Variants in AOPEP observed in about 807,000 individuals in gnomAD.
AOPEP encodes aminopeptidase O (putative), also known as aminopeptidase O.
AOPEP carries 77 observed loss-of-function variants against 98.1 expected under a neutral mutation model. That is an observed-to-expected ratio of 0.78 (90% CI 0.65 to 0.95). The LOEUF is 0.95. Ranked by LOEUF, AOPEP falls within the 40% of genes least tolerant of loss-of-function variation. The pLI, the probability that AOPEP is intolerant of heterozygous loss-of-function variation, is 0.00. For synonymous variants in AOPEP, 346 were observed against 365.3 expected, an observed-to-expected ratio of 0.95 and a Z score of 0.60; for missense variants, 1,024 against 1,024.7, an observed-to-expected ratio of 1.00 and a Z score of 0.01.
intron 1 of AOPEP, among the ~76,000 whole-genome samples, chr9:94,745,133 T>C (rs112725014): frequency 0.011 from 1,692 of 152,276 alleles, 30 homozygotes; most frequent in African/African-American, 0.038. Flanking sequence ...TTGCTGACTG[T>C]AGTCACCCTG....
At chr9:94,863,762 G>C (rs2045384169) in intron 5 of AOPEP, among the ~76,000 whole-genome samples, 1 of 152,174 alleles carries the variant, frequency 6.6e-6, no homozygotes, top group African/African-American at 2.4e-5. Flanking sequence ...GTACATAATA[G>C]CTTTTGGAAA....
At chr9:94,872,394 C>T (rs1401239920) in intron 5 of AOPEP, among the ~76,000 whole-genome samples, 1 of 152,070 alleles carries the variant, frequency 6.6e-6, no homozygotes, top group East Asian at 1.9e-4. Context: ...AATTACATGG[C>T]AAAAATGGGC....
chr9:95,081,185 A>ACCTGCC (rs2069718848), intron 15 of AOPEP, among the ~76,000 whole-genome samples: 1 of 152,056 alleles, frequency 6.6e-6, no homozygotes, highest in Admixed American at 6.5e-5. Flanking sequence ...CTGTACCTGC[A>ACCTGCC]CCTGCCGTGC....
intron 5 of AOPEP, among the ~76,000 whole-genome samples, chr9:94,805,433 C>T (rs1849048237): frequency 6.6e-6 from 1 of 151,740 alleles, no homozygotes. Flanking sequence ...GAAGCTGTGT[C>T]TCATCCTAGT....
At chr9:95,104,100 C>T in the AOPEP span, among the ~76,000 whole-genome samples, 20 of 152,164 alleles carry the variant, frequency 1.3e-4, no homozygotes, top group African/African-American at 4.6e-4. Flanking sequence ...CAAGCAGACC[C>T]GGCTCTTTCC....
chr9:95,017,264 A>G (rs570258924), intron 13 of AOPEP, among the ~76,000 whole-genome samples: 2 of 152,268 alleles, frequency 1.3e-5, no homozygotes, highest in African/African-American at 2.4e-5. Flanking sequence ...TTATGGGGAA[A>G]TGCTTCATGT....
At chr9:94,979,855 G>A (rs777905977) in intron 11 of AOPEP, among the ~76,000 whole-genome samples, 5 of 152,190 alleles carry the variant, frequency 3.3e-5, no homozygotes, top group African/African-American at 9.7e-5. Context: ...TGCTGCCGCC[G>A]TCGTCTGTCC....
chr9:94,799,791 G>A (rs977592421), intron 4 of AOPEP, among the ~76,000 whole-genome samples: 2 of 152,026 alleles, frequency 1.3e-5, no homozygotes, highest in Non-Finnish European at 2.9e-5. Context: ...GAACCTGGGA[G>A]GTGGAAGTTG....
chr9:94,979,745 G>C (rs2060063348), intron 11 of AOPEP, among the ~76,000 whole-genome samples: 2 of 148,276 alleles, frequency 1.3e-5, no homozygotes, highest in African/African-American at 5.1e-5. Flanking sequence ...ATGCCCCGTG[G>C]GGCAGGTGGT....
At chr9:94,865,069 T>G (rs1439094842) in intron 5 of AOPEP, among the ~76,000 whole-genome samples, 1 of 152,200 alleles carries the variant, frequency 6.6e-6, no homozygotes, top group Non-Finnish European at 1.5e-5. Context: ...GCTATTTAAA[T>G]CCATGGTTTA....
intron 5 of AOPEP, among the ~76,000 whole-genome samples, chr9:94,846,818 G>A (rs940408868): frequency 2.0e-5 from 3 of 152,208 alleles, no homozygotes; most frequent in African/African-American, 7.2e-5. Context: ...GCTCAGGTGT[G>A]AGGATCACTT....
At chr9:94,948,177 C>A (rs987833021) in intron 7 of AOPEP, among the ~76,000 whole-genome samples, 2 of 152,180 alleles carry the variant, frequency 1.3e-5, no homozygotes, top group Admixed American at 6.5e-5. Context: ...AACTATAGCT[C>A]ATAGGCAAAT....
chr9:95,145,460 C>G, the AOPEP span: 2 of 152,162 alleles, frequency 1.3e-5, no homozygotes, highest in Non-Finnish European at 2.9e-5. Context: ...CCAGCTCTCT[C>G]GATAATCTAT....
chr9:95,008,244 T>C (rs925897405), intron 13 of AOPEP, among the ~76,000 whole-genome samples: 1 of 152,220 alleles, frequency 6.6e-6, no homozygotes, highest in Non-Finnish European at 1.5e-5. Context: ...TGCAGGCTTC[T>C]CTCAGGATTC....
At chr9:94,903,623 T>TA (rs11375914) in intron 5 of AOPEP, among the ~76,000 whole-genome samples, 120,692 of 136,722 alleles carry the variant, frequency 0.88, 53,485 homozygotes, top group Middle Eastern at 0.94. Flanking sequence ...ACTCCATCTC[T>TA]AAAAAAAAAA....
intron 10 of AOPEP, among the ~76,000 whole-genome samples, chr9:94,978,424 G>T (rs1564474136): frequency 6.6e-6 from 1 of 152,010 alleles, no homozygotes; most frequent in Non-Finnish European, 1.5e-5. Flanking sequence ...TCATACCAGG[G>T]ATCAGATCTC....
rs1854179110 is a variant in AOPEP at position 94,824,985 on chromosome 9, C to T, written c.1364+23983C>T. ...AGAAACAACTTCAAGTTTTATATTA[C>T]ACGCCCTACCAAAGAATCTTTGATT... On this transcript the variant is annotated intron_variant, in intron 5 of 16. Coordinates refer to ENST00000375315, the MANE Select transcript of AOPEP (RefSeq NM_001193329.3). Among the ~76,000 whole-genome samples, 4 of 149,502 alleles carry T rather than the reference C, an allele frequency of 2.7e-5. No homozygotes were observed. In the South Asian group the frequency reaches 8.7e-4, roughly 32 times the overall value.
At chr9:95,115,966 A>G in the AOPEP span, among the ~76,000 whole-genome samples, 2 of 152,238 alleles carry the variant, frequency 1.3e-5, no homozygotes, top group African/African-American at 4.8e-5. Context: ...CACTTCTTCA[A>G]TCTGTGACCA....
At chr9:95,084,494 C>T (rs1463946202) in intron 16 of AOPEP, among the ~76,000 whole-genome samples, 1 of 152,182 alleles carries the variant, frequency 6.6e-6, no homozygotes, top group African/African-American at 2.4e-5. Context: ...TCACTGCCGG[C>T]CTCATAATAG....
Sources: allele counts gnomAD v4.1 joint callset (sites outside exome capture counted in the v4.1 genomes callset), GRCh38; gene constraint gnomAD v4.1.1; transcripts MANE v1.5; gene names NCBI Gene and HGNC (gene_info 2026-07-23, HGNC 2026-07-21).